DMXL1: variants seen among roughly 807,000 people sequenced by gnomAD.
DMXL1 encodes Dmx like 1.
Under a neutral mutation model 319.2 loss-of-function variants are expected in DMXL1, and 99 were observed. The observed-to-expected ratio is 0.31, with a 90% CI of 0.26 to 0.37. The LOEUF is 0.37. Among genes scored for constraint, DMXL1 ranks in the 10% least tolerant of loss-of-function variants. DMXL1 has a pLI of 1.00. For missense variants in DMXL1, 3,745 were observed against 3,595.6 expected, an observed-to-expected ratio of 1.04 and a Z score of -1.06; for synonymous variants, 1,385 against 1,235.2, an observed-to-expected ratio of 1.12 and a Z score of -2.54.
intron 1 of DMXL1, among the ~76,000 whole-genome samples, chr5:119,095,797 C>A (rs969724807): frequency 6.6e-6 from 1 of 152,164 alleles, no homozygotes; most frequent in African/African-American, 2.4e-5. Flanking sequence ...GCCTTATGAT[C>A]CCATCATGGA....
intron 10 of DMXL1, among the ~76,000 whole-genome samples, chr5:119,131,766 T>C (rs1764946614): frequency 1.3e-5 from 2 of 152,228 alleles, no homozygotes; most frequent in Admixed American, 1.3e-4. Flanking sequence ...TACTGATTAC[T>C]CAGTGAACTT....
At chr5:119,159,915 C>T (rs1479993866) in intron 19 of DMXL1, among the ~76,000 whole-genome samples, 2 of 152,210 alleles carry the variant, frequency 1.3e-5, no homozygotes, top group African/African-American at 2.4e-5. Context: ...TGAGCCACTG[C>T]GCCTAGCCTT....
In DMXL1 at chr5:119,097,985, G is replaced by T; in HGVS notation, c.94G>T (p.Ala32Ser). Reference sequence around the variant, plus strand: ...TATTTATTTATTTTTTTAGGCTTATGCATCTGGATGTGACATTGTAATACT... The same window carrying T: ...TATTTATTTATTTTTTTAGGCTTATTCATCTGGATGTGACATTGTAATACT... ...SIGDQRFTAY[A>S]SGCDIVILGS... The change falls in exon 2 of 44, where the codon GCA becomes TCA. Residue 32 changes from alanine (A) to serine (S), a missense_variant. Around this residue, in one of 4 missense-constraint regions of DMXL1, gnomAD observed 2,096 missense variants for 1,985.4 expected, o/e 1.06. Transcript: ENST00000539542. 1.2e-6 allele frequency: 2 copies of T among 1,604,396 alleles called. No homozygotes were observed. The highest frequency in any genetic ancestry group is 1.7e-6 in the Non-Finnish European group (2 of 1,176,246).
At chr5:119,174,705 T>C (rs150047821) in intron 25 of DMXL1, among the ~76,000 whole-genome samples, 133 of 152,364 alleles carry the variant, frequency 8.7e-4, no homozygotes, top group Non-Finnish European at 1.2e-3. Flanking sequence ...TGCCATGCCA[T>C]GTTTAGAGTC....
intron 1 of DMXL1, among the ~76,000 whole-genome samples, chr5:119,085,471 A>G (rs936062768): frequency 4.6e-5 from 7 of 152,038 alleles, no homozygotes; most frequent in Non-Finnish European, 7.4e-5. Flanking sequence ...TGAGCATACA[A>G]TGGTGTATGC....
chr5:119,094,385 T>C lies in DMXL1; in HGVS notation c.88-3594T>C, dbSNP rs574454354. 7.3e-4 allele frequency among the ~76,000 whole-genome samples: 111 copies of C among 152,356 alleles called. 1 individual carries two copies. The South Asian group carries it at 0.023, about 31-fold the overall frequency. The stretch of plus-strand genomic sequence containing the variant: ...AACAAAGCCCGGATGACAGCACCTA[T>C]GTATACAGCACAGTTTACTAAATAT... On this transcript the variant is annotated intron_variant, in intron 1 of 43. Coordinates refer to ENST00000539542, the MANE Select transcript of DMXL1 (RefSeq NM_001290321.3).
Position 119,121,076 on chromosome 5 carries a change from A to G in DMXL1, c.1039A>G (p.Thr347Ala), listed in dbSNP as rs148466434. 1.2e-6 allele frequency: 2 copies of G among 1,613,112 alleles called. No individual in the cohort carries two copies. Among genetic ancestry groups the G allele is most frequent in the Non-Finnish European group, 1.7e-6 (2 of 1,179,790 alleles). Residue 347 changes from threonine to alanine, a missense_variant, in exon 9 of 44, where the codon ACT becomes GCT. This residue lies in a region of DMXL1 where 2,096 missense variants were observed against 1,985.4 expected (regional missense o/e 1.06). Transcript: ENST00000539542. ...QQDPHHVHRN[T>A]PLHANALCHF... ...GGATCCTCATCATGTTCACAGGAACACTCCACTGCATGCCAATGCACTTTG... is the reference window on the plus strand; with the variant it reads ...GGATCCTCATCATGTTCACAGGAACGCTCCACTGCATGCCAATGCACTTTG...
chr5:119,244,601 T>C, intron 43 of DMXL1, 25 bp downstream of exon 43: 1 of 1,565,376 alleles, frequency 6.4e-7, no homozygotes, highest in Non-Finnish European at 8.8e-7. Context: ...TGCCACAACA[T>C]CTACAAAATG....
In DMXL1 at chr5:119,136,902, G is replaced by A. The variant is rs116985455; in HGVS notation, c.2376+2513G>A. 4.0e-3 allele frequency among the ~76,000 whole-genome samples: 606 copies of A among 152,386 alleles called. 10 individuals are homozygous for A. The highest frequency in any genetic ancestry group is 0.026 in the South Asian group (127 of 4,834). ...AAAACTTCTACTAGGGCAATGCAGA[G>A]GGAGAAAGTGGAGTTGGAGCGTCCC... On this transcript the variant is annotated intron_variant, in intron 13 of 43. Coordinates refer to ENST00000539542, the MANE Select transcript of DMXL1 (RefSeq NM_001290321.3).
rs866775940 is a variant in DMXL1, at chr5:119,244,508, G to C, written c.8854G>C (p.Val2952Leu). ...RQLFQSHDSP[V>L]KAVAVDPTEE... The stretch of plus-strand genomic sequence containing the variant: ...GCTTTTCCAGAGCCATGATTCTCCT[G>C]TTAAAGCCGTTGCTGTTGATCCAAC... Residue 2952 changes from valine (V) to leucine (L), a missense_variant, in exon 43 of 44, where the codon GTT (valine) becomes CTT (leucine). Val to Leu is a conservative substitution (Grantham distance 32). Around this residue, in one of 4 missense-constraint regions of DMXL1, gnomAD observed 262 missense variants for 320.5 expected, o/e 0.82. Coordinates refer to ENST00000539542, the MANE Select transcript of DMXL1 (RefSeq NM_001290321.3). The C allele has an allele frequency of 6.2e-7, 1 of 1,614,116 alleles. No individual in the cohort carries two copies. The highest frequency in any genetic ancestry group is 8.5e-7 in the Non-Finnish European group (1 of 1,180,008).
At chr5:119,229,077 G>A (rs544996675) in intron 38 of DMXL1, among the ~76,000 whole-genome samples, 59 of 149,592 alleles carry the variant, frequency 3.9e-4, no homozygotes, top group Non-Finnish European at 6.1e-4. Context: ...CTCTTAGGGA[G>A]GCAGAGGTGT....
Position 119,248,628 on chromosome 5 carries a change from C to CA in DMXL1, c.*1412dup, listed in dbSNP as rs906430366. ...ACGATTATCTTGGAAATTAAAGAGT[C>CA]AAAGCAAAGAAATGAAGGGCTGGTA... is the stretch of plus-strand genomic sequence containing the variant. On this transcript the variant is annotated 3_prime_UTR_variant, in exon 44 of 44. Transcript: ENST00000539542. 2.0e-5 allele frequency: 3 copies of CA among 152,228 alleles called. No individual in the cohort carries two copies. The highest frequency in any genetic ancestry group is 7.3e-5 in the African/African-American group (3 of 41,362). 9.4% of individuals were successfully genotyped at this position (152,228 alleles called of 1,614,324 possible). A position where few individuals can be genotyped will look rare whatever the true frequency, so the allele number is the denominator to read the frequency against.
At chr5:119,107,491 T>G (rs2149829655) in intron 4 of DMXL1, among the ~76,000 whole-genome samples, 2 of 152,368 alleles carry the variant, frequency 1.3e-5, no homozygotes, top group South Asian at 4.1e-4. Context: ...TTAGACTTTT[T>G]ATGCTTTTTT....
intron 42 of DMXL1, among the ~76,000 whole-genome samples, chr5:119,241,274 G>A (rs1169328263): frequency 2.6e-5 from 4 of 152,148 alleles, no homozygotes; most frequent in Non-Finnish European, 5.9e-5. Flanking sequence ...GCTCATGCCT[G>A]TAATCCCAGC....
intron 9 of DMXL1, among the ~76,000 whole-genome samples, chr5:119,124,244 G>A (rs1410178189): frequency 6.6e-6 from 1 of 151,598 alleles, no homozygotes; most frequent in Non-Finnish European, 1.5e-5. Context: ...GAACCTGGAA[G>A]GCAGAGGTTG....
intron 9 of DMXL1, among the ~76,000 whole-genome samples, chr5:119,123,883 A>C (rs1762880088): frequency 9.2e-6 from 1 of 108,220 alleles, no homozygotes. Flanking sequence ...ACAGTTTAGC[A>C]GACACCAACA....
intron 43 of DMXL1, 23 bp from the exon 44 acceptor site, chr5:119,246,972 C>T (rs371217201): frequency 3.2e-5 from 50 of 1,546,456 alleles, no homozygotes; most frequent in East Asian, 2.0e-4. Context: ...CCTAATTTTC[C>T]GTTTGTTCTT....
chr5:119,121,056 CTCA>C lies in DMXL1; in HGVS notation c.1024_1026del (p.His342del). 6.2e-7 allele frequency: 1 copy of C among 1,613,772 alleles called. No homozygotes were observed. The highest frequency in any genetic ancestry group is 8.5e-7 in the Non-Finnish European group (1 of 1,179,954). On this transcript the variant is annotated inframe_deletion, in exon 9 of 44. Transcript: ENST00000539542. ...GGATATCTACCACATCAGCAGGATCCTCATCATGTTCACAGGAACACTCCACTG... is the reference window on the plus strand; with the variant it reads ...GGATATCTACCACATCAGCAGGATCCTCATGTTCACAGGAACACTCCACTG...
chr5:119,198,991 GTCC>G (rs1416799145), intron 32 of DMXL1, among the ~76,000 whole-genome samples: 1 of 152,012 alleles, frequency 6.6e-6, no homozygotes, highest in Non-Finnish European at 1.5e-5. Flanking sequence ...GGCACAAACA[GTCC>G]TCCTGTCTCA....
Sources: allele counts gnomAD v4.1 joint callset (sites outside exome capture counted in the v4.1 genomes callset), GRCh38; gene constraint gnomAD v4.1.1; regional missense constraint gnomAD v4.1.1; transcripts MANE v1.5; gene names NCBI Gene and HGNC (gene_info 2026-07-23, HGNC 2026-07-21).